Variants in NR3C2 observed in about 807,000 individuals in gnomAD.
NR3C2 encodes mineralocorticoid receptor.
Under a neutral mutation model 86.4 loss-of-function variants are expected in NR3C2, and 15 were observed. That is an observed-to-expected ratio of 0.17 (90% CI 0.12 to 0.27). The LOEUF is 0.27. Ranked by LOEUF, NR3C2 falls within the 10% of genes least tolerant of loss-of-function variation. NR3C2 has a pLI of 1.00. For missense variants in NR3C2, 960 were observed against 1,195.6 expected, an observed-to-expected ratio of 0.80 and a Z score of 2.91; for synonymous variants, 458 against 450.5, an observed-to-expected ratio of 1.02 and a Z score of -0.21.
intron 4 of NR3C2, among the ~76,000 whole-genome samples, chr4:148,173,547 C>G (rs528945671): frequency 6.6e-6 from 1 of 152,214 alleles, no homozygotes; most frequent in East Asian, 1.9e-4. Flanking sequence ...TCTCATAGAG[C>G]CTCCTCTAAG....
At chr4:148,412,761 C>A (rs981668826) in intron 2 of NR3C2, among the ~76,000 whole-genome samples, 2 of 152,196 alleles carry the variant, frequency 1.3e-5, no homozygotes, top group Admixed American at 6.5e-5. Flanking sequence ...ATCTCCCTCT[C>A]TGACCCAGAC....
chr4:148,262,854 C>T (rs1310954380), intron 2 of NR3C2, among the ~76,000 whole-genome samples: 7 of 152,158 alleles, frequency 4.6e-5, no homozygotes, highest in Admixed American at 1.3e-4. Context: ...TCACACAACA[C>T]CCCTAGCCCT....
chr4:148,204,075 G>T lies in NR3C2; in HGVS notation c.1898-9213C>A, dbSNP rs927373019. Among the ~76,000 whole-genome samples, 4 of 152,180 alleles carry T rather than the reference G, an allele frequency of 2.6e-5. No homozygotes were observed. In the South Asian group the frequency reaches 8.3e-4, roughly 32 times the overall value. ...CCCACATAAACATTCTTCTTGTTGT[G>T]AAAGGTGTTCGTTTTTCATTTTTTA... On this transcript the variant is annotated intron_variant, in intron 3 of 8. Transcript: ENST00000358102.
intron 3 of NR3C2, among the ~76,000 whole-genome samples, chr4:148,209,612 G>C (rs1737183231): frequency 6.6e-6 from 1 of 152,124 alleles, no homozygotes; most frequent in South Asian, 2.1e-4. Context: ...AAAGCATATA[G>C]ATTTATAACT....
chr4:148,444,991 G>A (rs2126680217), upstream of NR3C2: 1 of 983,324 alleles, frequency 1.0e-6, no homozygotes, highest in Non-Finnish European at 1.2e-6. Context: ...GTCGCAGGGG[G>A]AGCCTGCGCC....
chr4:148,132,658 T>C (rs1733090678), intron 6 of NR3C2, among the ~76,000 whole-genome samples: 1 of 152,236 alleles, frequency 6.6e-6, no homozygotes, highest in Non-Finnish European at 1.5e-5. Flanking sequence ...GAACAGGCTC[T>C]AAGTGTCGAC....
At chr4:148,272,855 T>A (rs556552281) in intron 2 of NR3C2, among the ~76,000 whole-genome samples, 26 of 152,256 alleles carry the variant, frequency 1.7e-4, no homozygotes, top group African/African-American at 6.3e-4. Flanking sequence ...AAGTAAGTAG[T>A]TCCACTGGCA....
chr4:148,373,745 T>G (rs1405899338), intron 2 of NR3C2, among the ~76,000 whole-genome samples: 1 of 152,072 alleles, frequency 6.6e-6, no homozygotes, highest in African/African-American at 2.4e-5. Context: ...CACAAAGTGT[T>G]GGGATTATAG....
chr4:148,282,160 G>A (rs1202657721), intron 2 of NR3C2, among the ~76,000 whole-genome samples: 1 of 152,138 alleles, frequency 6.6e-6, no homozygotes, highest in Non-Finnish European at 1.5e-5. Flanking sequence ...CTCCACAGTA[G>A]CTGGGACTAC....
At chr4:148,333,426 A>AT (rs1744324483) in intron 2 of NR3C2, among the ~76,000 whole-genome samples, 1 of 152,194 alleles carries the variant, frequency 6.6e-6, no homozygotes, top group South Asian at 2.1e-4. Flanking sequence ...CTGACTACCT[A>AT]AAAGACTACA....
Position 148,201,481 on chromosome 4 carries a change from G to T in NR3C2, c.1898-6619C>A, listed in dbSNP as rs1483997884. On this transcript the variant is annotated intron_variant, in intron 3 of 8. Transcript: ENST00000358102. ...GGATGTGAAGGACAATATGCTTATGGTTTATTTTAACAAATAAAAGAACTC... is the reference window on the plus strand; with the variant it reads ...GGATGTGAAGGACAATATGCTTATGTTTTATTTTAACAAATAAAAGAACTC... 2.6e-5 allele frequency among the ~76,000 whole-genome samples: 4 copies of T among 152,166 alleles called. No homozygotes were observed. In the East Asian group the frequency reaches 7.7e-4, roughly 29 times the overall value.
intron 2 of NR3C2, among the ~76,000 whole-genome samples, chr4:148,388,436 A>G (rs1272868141): frequency 6.6e-6 from 1 of 152,090 alleles, no homozygotes; most frequent in Non-Finnish European, 1.5e-5. Flanking sequence ...CAGATCTCCT[A>G]TTTTCAGATT....
At chr4:148,223,482 T>G (rs1223797481) in intron 3 of NR3C2, among the ~76,000 whole-genome samples, 1 of 152,190 alleles carries the variant, frequency 6.6e-6, no homozygotes, top group African/African-American at 2.4e-5. Context: ...TCAATAAATA[T>G]CTGGTAGTTG....
At chr4:148,129,028 T>C (rs1464970502) in intron 6 of NR3C2, among the ~76,000 whole-genome samples, 1 of 152,216 alleles carries the variant, frequency 6.6e-6, no homozygotes, top group African/African-American at 2.4e-5. Context: ...TAACTTCTAC[T>C]TAATGAATCT....
intron 2 of NR3C2, among the ~76,000 whole-genome samples, chr4:148,424,722 A>C (rs1382609731): frequency 6.6e-6 from 1 of 151,602 alleles, no homozygotes; most frequent in Non-Finnish European, 1.5e-5. Context: ...AAAAAAAAAA[A>C]CAAAATTATA....
chr4:148,434,692 TA>T (rs759966909), intron 2 of NR3C2, among the ~76,000 whole-genome samples: 7 of 151,462 alleles, frequency 4.6e-5, no homozygotes, highest in East Asian at 1.9e-4. Flanking sequence ...AAAGCCATAA[TA>T]AAAAAAAGGA....
intron 4 of NR3C2, among the ~76,000 whole-genome samples, chr4:148,161,184 GGTT>G (rs150377701): frequency 0.074 from 11,261 of 152,084 alleles, 535 homozygotes; most frequent in South Asian, 0.16. Flanking sequence ...GTTGAATACA[GGTT>G]GTTTTTTAAA....
chr4:148,235,616 C>T (rs184663594), intron 3 of NR3C2, among the ~76,000 whole-genome samples: 9 of 152,180 alleles, frequency 5.9e-5, no homozygotes, highest in Admixed American at 2.0e-4. Flanking sequence ...TAATTTACAT[C>T]TACACAGTTC....
At chr4:148,373,851 A>C (rs1746544320) in intron 2 of NR3C2, among the ~76,000 whole-genome samples, 1 of 152,210 alleles carries the variant, frequency 6.6e-6, no homozygotes, top group African/African-American at 2.4e-5. Context: ...CTCAGTTAAT[A>C]GGATATATCT....
Sources: gnomAD v4.1 joint callset for allele counts (sites outside exome capture counted in the v4.1 genomes callset) on GRCh38, gnomAD v4.1.1 for gene constraint, MANE v1.5 for transcripts, NCBI Gene and HGNC (gene_info 2026-07-23, HGNC 2026-07-21) for gene names.